The following CDH18 variants were observed in gnomAD, a reference collection of about 807,000 sequenced individuals.
The protein encoded by CDH18 is cadherin-18.
Under a neutral mutation model 67.9 loss-of-function variants are expected in CDH18, and 31 were observed. That is an observed-to-expected ratio of 0.46 (90% CI 0.34 to 0.62). The LOEUF (loss-of-function observed/expected upper bound fraction) is 0.62, where lower values mean the gene tolerates loss of function less well. Ranked by LOEUF, CDH18 falls within the 20% of genes least tolerant of loss-of-function variation. CDH18 has a pLI of 0.01. For missense variants in CDH18, 890 were observed against 975.5 expected, an observed-to-expected ratio of 0.91 and a Z score of 1.17; for synonymous variants, 362 against 347.2, an observed-to-expected ratio of 1.04 and a Z score of -0.48.
intron 1 of CDH18, among the ~76,000 whole-genome samples, chr5:20,536,815 G>C (rs1416392183): frequency 6.6e-6 from 1 of 151,932 alleles, no homozygotes; most frequent in Admixed American, 6.6e-5. Context: ...TTATATTTTT[G>C]ATTGTTAGAG....
chr5:19,826,346 G>A (rs181503424), intron 3 of CDH18, among the ~76,000 whole-genome samples: 5 of 152,172 alleles, frequency 3.3e-5, no homozygotes, highest in African/African-American at 1.2e-4. Context: ...ACTTGCTAAG[G>A]AGGCCAACAC....
chr5:19,703,410 G>C (rs1281915747), intron 5 of CDH18, among the ~76,000 whole-genome samples: 1 of 152,160 alleles, frequency 6.6e-6, no homozygotes, highest in African/African-American at 2.4e-5. Context: ...GAGGAGGAAG[G>C]AGAGTATAAC....
At chr5:19,738,342 TAAGAG>T (rs1253060986) in intron 4 of CDH18, among the ~76,000 whole-genome samples, 6 of 152,192 alleles carry the variant, frequency 3.9e-5, no homozygotes, top group African/African-American at 1.2e-4. Flanking sequence ...TTCTCTACTT[TAAGAG>T]AAGTGCTACA....
intron 9 of CDH18, among the ~76,000 whole-genome samples, chr5:19,532,590 C>A (rs74904403): frequency 0.027 from 4,053 of 152,086 alleles, 181 homozygotes; most frequent in African/African-American, 0.093. Flanking sequence ...TGTAGTATCA[C>A]TTATGTTTTA....
intron 7 of CDH18, among the ~76,000 whole-genome samples, chr5:19,579,454 TTTTG>T (rs967493081): frequency 1.3e-5 from 2 of 151,898 alleles, no homozygotes; most frequent in Non-Finnish European, 2.9e-5. Flanking sequence ...GAAGTTCTAT[TTTTG>T]TTTATTTTTT....
At chr5:19,878,281 T>C (rs1302764100) in intron 2 of CDH18, among the ~76,000 whole-genome samples, 1 of 152,140 alleles carries the variant, frequency 6.6e-6, no homozygotes, top group Non-Finnish European at 1.5e-5. Context: ...AAAACTTACA[T>C]GCTTAAAACA....
At chr5:19,808,073 A>C (rs1419050474) in intron 3 of CDH18, among the ~76,000 whole-genome samples, 1 of 152,154 alleles carries the variant, frequency 6.6e-6, no homozygotes, top group Non-Finnish European at 1.5e-5. Flanking sequence ...AAACAATAGA[A>C]AACAAGGAAA....
At chr5:20,293,126 G>A (rs1419148262) in intron 1 of CDH18, among the ~76,000 whole-genome samples, 2 of 152,060 alleles carry the variant, frequency 1.3e-5, no homozygotes, top group Admixed American at 1.3e-4. Context: ...AGACCACACT[G>A]GCCAATATAG....
At chr5:19,951,093 T>A (rs10941549) in intron 2 of CDH18, among the ~76,000 whole-genome samples, 64,848 of 151,986 alleles carry the variant, frequency 0.43, 16,158 homozygotes, top group Middle Eastern at 0.66. Flanking sequence ...TCAGTGTCAG[T>A]TCCATTCAAT....
chr5:19,753,165 G>A (rs760106834), intron 3 of CDH18, among the ~76,000 whole-genome samples: 8 of 152,080 alleles, frequency 5.3e-5, no homozygotes, highest in Non-Finnish European at 1.2e-4. Context: ...AGCAATGGAT[G>A]CAAACCAAGA....
At chr5:20,303,284 A>G (rs1362911541) in intron 1 of CDH18, among the ~76,000 whole-genome samples, 2 of 152,084 alleles carry the variant, frequency 1.3e-5, no homozygotes, top group African/African-American at 4.8e-5. Flanking sequence ...TAAGCTACCA[A>G]ATTTGTGCTT....
intron 11 of CDH18, among the ~76,000 whole-genome samples, chr5:19,489,284 G>C (rs1341574876): frequency 2.4e-5 from 3 of 126,406 alleles, no homozygotes; most frequent in Non-Finnish European, 4.7e-5. Context: ...GTCTCTCTCT[G>C]TCGCCCAGGC....
At chr5:20,269,542 G>A (rs1344082543) in intron 1 of CDH18, among the ~76,000 whole-genome samples, 1 of 152,014 alleles carries the variant, frequency 6.6e-6, no homozygotes, top group Non-Finnish European at 1.5e-5. Context: ...ATTCAGCAAT[G>A]GAAAAAATAA....
intron 1 of CDH18, among the ~76,000 whole-genome samples, chr5:20,257,009 A>G (rs1744303475): frequency 6.6e-6 from 1 of 151,136 alleles, no homozygotes; most frequent in Admixed American, 6.6e-5. Flanking sequence ...TCTATCTATC[A>G]TCATCATCCT....
chr5:19,881,992 T>C (rs912459333), intron 2 of CDH18, among the ~76,000 whole-genome samples: 1 of 152,154 alleles, frequency 6.6e-6, no homozygotes, highest in Non-Finnish European at 1.5e-5. Flanking sequence ...CTAATTGTAA[T>C]GTATTTTGAA....
Position 20,172,202 on chromosome 5 carries a change from A to G in CDH18, c.-518+83242T>C, listed in dbSNP as rs557092539. On this transcript the variant is annotated intron_variant, in intron 2 of 14. Coordinates refer to the CDH18 transcript ENST00000507958. ...AATAGCATTGTGTGTATATATATAT[A>G]TATATATATATATATATATATGTAT... Among the ~76,000 whole-genome samples, 20 of 46,042 alleles carry G rather than the reference A, an allele frequency of 4.3e-4. 3 individuals are homozygous for G. Among genetic ancestry groups the G allele is most frequent in the African/African-American group, 2.1e-3 (17 of 7,988 alleles). The allele number at this position is 46,042 out of a possible 152,430, so 30.2% of individuals were successfully genotyped here. A position where few individuals can be genotyped will look rare whatever the true frequency, so the allele number is the denominator to read the frequency against.
At chr5:20,440,111 A>C (rs566355989) in intron 1 of CDH18, among the ~76,000 whole-genome samples, 1 of 152,016 alleles carries the variant, frequency 6.6e-6, no homozygotes, top group East Asian at 1.9e-4. Flanking sequence ...CTGGAATTCA[A>C]GTATTCATTC....
At chr5:20,328,694 C>T (rs140436444) in intron 1 of CDH18, among the ~76,000 whole-genome samples, 1 of 152,176 alleles carries the variant, frequency 6.6e-6, no homozygotes, top group African/African-American at 2.4e-5. Flanking sequence ...GCCTCAATCA[C>T]TTTTTGATTC....
chr5:20,154,553 G>A (rs1751374256), intron 2 of CDH18, among the ~76,000 whole-genome samples: 1 of 152,066 alleles, frequency 6.6e-6, no homozygotes, highest in African/African-American at 2.4e-5. Flanking sequence ...TGAAAATGGT[G>A]TTGGCTGTAT....
Sources: gnomAD v4.1 joint callset for allele counts (sites outside exome capture counted in the v4.1 genomes callset) on GRCh38, gnomAD v4.1.1 for gene constraint, MANE v1.5 for transcripts, NCBI Gene and HGNC (gene_info 2026-07-23, HGNC 2026-07-21) for gene names.